Variants in MMP26 observed in about 807,000 individuals in gnomAD.
MMP26 encodes the protein matrix metalloproteinase-26.
Under a neutral mutation model 31.0 loss-of-function variants are expected in MMP26, and 33 were observed. That is an observed-to-expected ratio of 1.06 (90% CI 0.81 to 1.42). The LOEUF (loss-of-function observed/expected upper bound fraction) is 1.42, where lower values mean the gene tolerates loss of function less well. Among genes scored for constraint, MMP26 ranks in the 40% most tolerant of loss-of-function variants. The probability of loss-of-function intolerance (pLI) is 0.00; values close to 1 mark genes in which losing one functional copy is unlikely to be tolerated. For missense variants in MMP26, 347 were observed against 316.1 expected, an observed-to-expected ratio of 1.10 and a Z score of -0.74; for synonymous variants, 122 against 114.9, an observed-to-expected ratio of 1.06 and a Z score of -0.40.
At chr11:4,840,961 A>G (rs890815089) in intron 2 of MMP26, among the ~76,000 whole-genome samples, 5 of 152,192 alleles carry the variant, frequency 3.3e-5, no homozygotes, top group African/African-American at 1.2e-4. Flanking sequence ...TAACAGTGAT[A>G]TTGACATATT....
chr11:4,845,304 A>G (rs1264684424), intron 2 of MMP26, among the ~76,000 whole-genome samples: 1 of 152,176 alleles, frequency 6.6e-6, no homozygotes, highest in African/African-American at 2.4e-5. Flanking sequence ...GACTGAAAGA[A>G]TAAATATTGT....
At chr11:4,982,920 T>C (rs1156333743) in intron 2 of MMP26, among the ~76,000 whole-genome samples, 4 of 152,164 alleles carry the variant, frequency 2.6e-5, no homozygotes, top group Admixed American at 6.5e-5. Flanking sequence ...ATTTACCTCC[T>C]CATAGAAATC....
intron 2 of MMP26, among the ~76,000 whole-genome samples, chr11:4,902,488 A>G (rs1850818090): frequency 6.6e-6 from 1 of 152,126 alleles, no homozygotes. Flanking sequence ...TCCCTGGTGT[A>G]CATGTATCAC....
chr11:4,869,227 T>C (rs951334662), intron 2 of MMP26, among the ~76,000 whole-genome samples: 4 of 152,048 alleles, frequency 2.6e-5, no homozygotes, highest in Non-Finnish European at 5.9e-5. Flanking sequence ...GGGATCTAAT[T>C]AAACTAAAGA....
At chr11:4,923,608 G>A (rs138156775) in intron 2 of MMP26, 1 of 1,614,170 alleles carries the variant, frequency 6.2e-7, no homozygotes, top group African/African-American at 1.3e-5. Context: ...AGATATGAGA[G>A]ACACAGGTGT....
intron 2 of MMP26, among the ~76,000 whole-genome samples, chr11:4,775,999 C>T (rs896502587): frequency 1.3e-5 from 2 of 152,152 alleles, no homozygotes; most frequent in Non-Finnish European, 2.9e-5. Context: ...CAGTCCACGT[C>T]CATGTGTAAA....
intron 2 of MMP26, among the ~76,000 whole-genome samples, chr11:4,948,120 A>G (rs1245001562): frequency 8.0e-6 from 1 of 124,738 alleles, no homozygotes; most frequent in African/African-American, 2.7e-5. Context: ...TCCAACTTAT[A>G]CAAGTTTTTC....
In MMP26 at chr11:4,989,851, G is replaced by C; in HGVS notation, c.303G>C (p.Lys101Asn). Residue 101 changes from lysine (K) to asparagine (N), a missense_variant, in exon 4 of 8, where the codon AAG becomes AAC. Transcript: ENST00000380390. ...CGCCAGGAAGATGCAAGTGGAATAA[G>C]CACACTCTAACTTACAGGTGCTTGT... ...SISPGRCKWN[K>N]HTLTYRIINY... 6.2e-7 allele frequency: 1 copy of C among 1,609,184 alleles called. No homozygotes were observed. The highest frequency in any genetic ancestry group is 2.2e-5 in the East Asian group (1 of 44,882).
intron 2 of MMP26, chr11:4,914,809 A>T: frequency 2.5e-6 from 4 of 1,613,988 alleles, no homozygotes; most frequent in South Asian, 1.1e-5. Context: ...GAAAGAGAAG[A>T]TACATGAAAC....
At chr11:4,991,939 C>CTTT (rs137983092) in intron 6 of MMP26, 25 bp from the exon 7 acceptor site, 5 of 1,395,952 alleles carry the variant, frequency 3.6e-6, no homozygotes, top group Non-Finnish European at 2.9e-6. Context: ...TTAATTTTAT[C>CTTT]TTTTTTTTTT....
intron 2 of MMP26, among the ~76,000 whole-genome samples, chr11:4,819,819 A>G: frequency 6.6e-6 from 1 of 151,806 alleles, no homozygotes. Flanking sequence ...GGCTCAAGTG[A>G]TCCTCCCGCC....
In MMP26 at chr11:4,893,931, C is replaced by T. The variant is rs1403147637; in HGVS notation, c.-144-94137C>T. Among the ~76,000 whole-genome samples the T allele has an allele frequency of 2.0e-5, 3 of 150,492 alleles. No homozygotes were observed. In the East Asian group the frequency reaches 5.8e-4, roughly 29 times the overall value. On this transcript the variant is annotated intron_variant, in intron 2 of 7. Coordinates refer to ENST00000380390, the MANE Select transcript of MMP26 (RefSeq NM_021801.5). Reference sequence around the variant, plus strand: ...CCTGGGCAATATAGGGAGACCTTGTCTCTACAAAAATAAAAAAAAAAACAA... The same window carrying T: ...CCTGGGCAATATAGGGAGACCTTGTTTCTACAAAAATAAAAAAAAAAACAA...
chr11:4,920,004 G>T (rs371445997), intron 2 of MMP26, among the ~76,000 whole-genome samples: 2 of 151,422 alleles, frequency 1.3e-5, no homozygotes, highest in East Asian at 3.9e-4. Flanking sequence ...CCCTGCAAAA[G>T]GTAATTAGAA....
At chr11:4,799,761 G>T (rs1484052643) in intron 2 of MMP26, among the ~76,000 whole-genome samples, 4 of 152,170 alleles carry the variant, frequency 2.6e-5, no homozygotes, top group African/African-American at 9.7e-5. Context: ...TGGTGGTACA[G>T]GCATTGGTTA....
intron 1 of MMP26, chr11:4,723,379 A>G (rs1311608307): frequency 2.8e-5 from 27 of 949,494 alleles, no homozygotes; most frequent in Non-Finnish European, 4.3e-5. Context: ...GTTGGAGATC[A>G]CCTTGTACTG....
intron 2 of MMP26, among the ~76,000 whole-genome samples, chr11:4,975,759 C>T (rs773820444): frequency 1.6e-4 from 24 of 151,982 alleles, no homozygotes; most frequent in Non-Finnish European, 2.5e-4. Context: ...TATGGAGATA[C>T]GGTTCCTCTT....
chr11:4,744,365 G>A lies in MMP26; in HGVS notation c.-216-22905G>A, dbSNP rs1848352255. On this transcript the variant is annotated intron_variant, in intron 1 of 7. Coordinates refer to ENST00000380390, the MANE Select transcript of MMP26 (RefSeq NM_021801.5). ...TTCTTAATTCAAAGGCAATTCAACA[G>A]CATTTTGTGTTTTTATGTCTGCTAC... Among the ~76,000 whole-genome samples, 3 of 152,232 alleles carry A rather than the reference G, an allele frequency of 2.0e-5. No individual in the cohort carries two copies. The South Asian group carries it at 6.2e-4, about 32-fold the overall frequency.
rs535190213 is a variant in MMP26 at position 4,951,069 on chromosome 11, C to T, written c.-144-36999C>T. Reference sequence around the variant, plus strand: ...TCAAGCAAACACATTCTAAGAATGTCTATAGGAACTTTATCATATTAGCCA... The same window carrying T: ...TCAAGCAAACACATTCTAAGAATGTTTATAGGAACTTTATCATATTAGCCA... On this transcript the variant is annotated intron_variant, in intron 2 of 7. Coordinates refer to ENST00000380390, the MANE Select transcript of MMP26 (RefSeq NM_021801.5). Among the ~76,000 whole-genome samples, 5 of 124,104 alleles carry T rather than the reference C, an allele frequency of 4.0e-5. 1 individual carries two copies. The South Asian group carries it at 1.2e-3, about 30-fold the overall frequency. 81.4% of individuals were successfully genotyped at this position (124,104 alleles called of 152,430 possible). A position where few individuals can be genotyped will look rare whatever the true frequency, so the allele number is the denominator to read the frequency against.
In MMP26 at chr11:4,804,276, A is replaced by G. The variant is rs148450278; in HGVS notation, c.-145+36935A>G. ...CAACAACAGCCACAGCATACGTGGC[A>G]CAGAACGGAAAGGCAATCCACAACT... On this transcript the variant is annotated intron_variant, in intron 2 of 7. Transcript: ENST00000380390. The G allele has an allele frequency of 3.0e-5, 48 of 1,614,044 alleles. No homozygotes were observed. The African/African-American group carries it at 4.1e-4, about 14-fold the overall frequency.
Sources: allele counts gnomAD v4.1 joint callset (sites outside exome capture counted in the v4.1 genomes callset), GRCh38; gene constraint gnomAD v4.1.1; transcripts MANE v1.5; gene names NCBI Gene and HGNC (gene_info 2026-07-23, HGNC 2026-07-21).